The following CENPF variants were observed in gnomAD, a reference collection of about 807,000 sequenced individuals.
The protein encoded by CENPF is AH antigen.
In CENPF, 214 loss-of-function variants were observed where a neutral mutation model predicts 307.3. The ratio of observed to expected loss-of-function variants is 0.70; its 90% CI spans 0.62 to 0.78. The LOEUF is 0.78. Ranked by LOEUF, CENPF falls within the 30% of genes least tolerant of loss-of-function variation. The probability of loss-of-function intolerance (pLI) is 0.00; values close to 1 mark genes in which losing one functional copy is unlikely to be tolerated. For missense variants in CENPF, 3,401 were observed against 3,483.9 expected, an observed-to-expected ratio of 0.98 and a Z score of 0.60; for synonymous variants, 1,259 against 1,270.6, an observed-to-expected ratio of 0.99 and a Z score of 0.19.
intron 10 of CENPF, among the ~76,000 whole-genome samples, chr1:214,637,001 G>T (rs1423082690): frequency 1.6e-4 from 24 of 152,160 alleles, no homozygotes; most frequent in Non-Finnish European, 2.9e-5. Context: ...TGTAAATATT[G>T]CTTGCTTTTA....
rs372479804 is a variant in CENPF at position 214,645,164 on chromosome 1, G to T, written c.5594G>T (p.Gly1865Val). Residue 1865 changes from glycine (G) to valine (V), a missense_variant, in exon 13 of 20, where the codon GGC (glycine) becomes GTC (valine). By Grantham distance (109) the Gly-to-Val change is moderately radical. Transcript: ENST00000366955. The stretch of plus-strand genomic sequence containing the variant: ...CTCCAGAGAGTAGAAACTTCTGAAG[G>T]CCTCAATTCTGATTTAGAAATGCAT... ...ELLQRVETSE[G>V]LNSDLEMHAD... is the part of the protein sequence containing the mutation. The T allele has an allele frequency of 6.2e-6, 10 of 1,613,824 alleles. No individual in the cohort carries two copies. The East Asian group carries it at 2.2e-4, about 36-fold the overall frequency.
intron 9 of CENPF, 138 bp downstream of exon 9, chr1:214,630,800 T>C (rs1341976979): frequency 7.2e-6 from 8 of 1,108,542 alleles, no homozygotes; most frequent in South Asian, 1.7e-5. Context: ...AAGTGGAGAA[T>C]GTACAGAACC....
At chr1:214,627,464 C>T (rs1248478344) in intron 7 of CENPF, among the ~76,000 whole-genome samples, 2 of 150,080 alleles carry the variant, frequency 1.3e-5, no homozygotes, top group Non-Finnish European at 3.0e-5. Context: ...ACCTCCGCCT[C>T]CTGGGTTCAA....
chr1:214,633,231 AGTG>A (rs1230099489), intron 10 of CENPF, among the ~76,000 whole-genome samples: 14 of 152,322 alleles, frequency 9.2e-5, no homozygotes, highest in Admixed American at 3.3e-4. Flanking sequence ...TTGTCCACAA[AGTG>A]GTGGATGAGG....
rs1656935322 is a variant in CENPF, at chr1:214,603,307, G to GT, written c.-55dup. On this transcript the variant is annotated 5_prime_UTR_variant, in exon 1 of 20. Coordinates refer to ENST00000366955, the MANE Select transcript of CENPF (RefSeq NM_016343.4). ...GTACTCTCCGAGAGGTCGTTTTCCC[G>GT]TCCCCGAGAGCAAGGTGAGCGTCCT... 6.6e-6 allele frequency: 1 copy of GT among 152,376 alleles called. No individual in the cohort carries two copies. The highest frequency in any genetic ancestry group is 2.4e-5 in the African/African-American group (1 of 41,454). 9.4% of individuals were successfully genotyped at this position (152,376 alleles called of 1,614,324 possible). A position where few individuals can be genotyped will look rare whatever the true frequency, so the allele number is the denominator to read the frequency against.
chr1:214,635,349 T>C (rs1317673427), intron 10 of CENPF, among the ~76,000 whole-genome samples: 1 of 152,236 alleles, frequency 6.6e-6, no homozygotes, highest in Non-Finnish European at 1.5e-5. Context: ...GATGCCTCCC[T>C]TGCTGCTCCT....
chr1:214,652,449 T>C (rs939120634), intron 15 of CENPF, among the ~76,000 whole-genome samples: 82 of 148,752 alleles, frequency 5.5e-4, no homozygotes, highest in Non-Finnish European at 1.1e-3. Flanking sequence ...CTTTTCTTTT[T>C]TTTTTTTTTT....
chr1:214,622,416 A>G (rs916221143), intron 7 of CENPF, 135 bp downstream of exon 7: 5 of 776,484 alleles, frequency 6.4e-6, no homozygotes, highest in Admixed American at 6.3e-5. Flanking sequence ...TCTTGATGCA[A>G]CTGAACTAGA....
At position 214,664,303 on chromosome 1, in the gene CENPF, T is replaced by A; in HGVS notation, c.*509T>A. ...TTTTTAAGGAAAATGTGCACACATA[T>A]ACATGTAGGAGTGTTTATCTTTCTC... On this transcript the variant is annotated 3_prime_UTR_variant, in exon 20 of 20. Transcript: ENST00000366955. 1 of 157,028 alleles carries A rather than the reference T, an allele frequency of 6.4e-6. No homozygotes were observed. The highest frequency in any genetic ancestry group is 1.4e-5 in the Non-Finnish European group (1 of 71,052). 9.7% of individuals were successfully genotyped at this position (157,028 alleles called of 1,614,324 possible). A position where few individuals can be genotyped will look rare whatever the true frequency, so the allele number is the denominator to read the frequency against.
At chr1:214,651,193 A>G (rs80210735) in intron 14 of CENPF, among the ~76,000 whole-genome samples, 4,750 of 152,304 alleles carry the variant, frequency 0.031, 103 homozygotes, top group Middle Eastern at 0.092. Context: ...GAGAAGACAA[A>G]TGCTTCCAGG....
chr1:214,656,912 G>A (rs2102418895), intron 17 of CENPF, 21 bp from the exon 18 acceptor site: 1 of 1,481,726 alleles, frequency 6.7e-7, no homozygotes, highest in Non-Finnish European at 9.2e-7. Context: ...TGCACATGAT[G>A]TGTTGCTTTA....
At chr1:214,644,228 A>G (rs12096879) in intron 12 of CENPF, among the ~76,000 whole-genome samples, 11,149 of 152,320 alleles carry the variant, frequency 0.073, 497 homozygotes, top group South Asian at 0.14. Flanking sequence ...AATAATTACA[A>G]AGAGATTTCA....
intron 1 of CENPF, chr1:214,608,477 C>T (rs567586937): frequency 6.8e-6 from 11 of 1,612,890 alleles, no homozygotes; most frequent in East Asian, 4.5e-5. Flanking sequence ...CCCAGGTCCA[C>T]GGCATTGCTG....
chr1:214,608,267 C>G (rs1275347540), intron 1 of CENPF: 1 of 1,529,124 alleles, frequency 6.5e-7, no homozygotes, highest in African/African-American at 1.4e-5. Flanking sequence ...CGGCCTGGTC[C>G]CCTCTTGGGT....
chr1:214,648,939 GA>G, intron 14 of CENPF, 112 bp downstream of exon 14: 6 of 1,074,660 alleles, frequency 5.6e-6, no homozygotes, highest in Non-Finnish European at 4.0e-6. Flanking sequence ...TTTAGCTCTT[GA>G]AAAAAATAAC....
intron 1 of CENPF, chr1:214,608,232 C>A: frequency 1.4e-6 from 2 of 1,402,592 alleles, no homozygotes; most frequent in South Asian, 1.3e-5. Context: ...CACCTTCCTC[C>A]CAGGGAAGCC....
At chr1:214,633,782 G>A (rs76865657) in intron 10 of CENPF, among the ~76,000 whole-genome samples, 3,843 of 152,304 alleles carry the variant, frequency 0.025, 174 homozygotes, top group African/African-American at 0.086. Context: ...ATCAGCAAAC[G>A]TTTTCAAATG....
rs892605158 is a variant in CENPF at position 214,613,270 on chromosome 1, A to G, written c.-41-444A>G. On this transcript the variant is annotated intron_variant, in intron 1 of 19. Coordinates refer to ENST00000366955, the MANE Select transcript of CENPF (RefSeq NM_016343.4). Reference sequence around the variant, plus strand: ...TTATCATCCCTGTCCATCTTGTCCCAGGTCTTCATCATCTTCTAAACACCA... The same window carrying G: ...TTATCATCCCTGTCCATCTTGTCCCGGGTCTTCATCATCTTCTAAACACCA... 7.1e-5 allele frequency: 18 copies of G among 253,028 alleles called. No individual in the cohort carries two copies. The Admixed American group carries it at 7.1e-4, about 10-fold the overall frequency. The allele number at this position is 253,028 out of a possible 1,614,324, so 15.7% of individuals were successfully genotyped here. A position where few individuals can be genotyped will look rare whatever the true frequency, so the allele number is the denominator to read the frequency against.
At chr1:214,647,651 C>T (rs897085831) in intron 13 of CENPF, among the ~76,000 whole-genome samples, 1 of 152,184 alleles carries the variant, frequency 6.6e-6, no homozygotes, top group African/African-American at 2.4e-5. Context: ...GTGGCACCTA[C>T]ATAAGGGCAA....
Sources: allele counts gnomAD v4.1 joint callset (sites outside exome capture counted in the v4.1 genomes callset), GRCh38; gene constraint gnomAD v4.1.1; transcripts MANE v1.5; gene names NCBI Gene and HGNC (gene_info 2026-07-23, HGNC 2026-07-21).